The following LMO1 variants were observed in gnomAD, a reference collection of about 807,000 sequenced individuals.
The protein encoded by LMO1 is rhombotin-1.
Under a neutral mutation model 18.0 loss-of-function variants are expected in LMO1, and 10 were observed. The ratio of observed to expected loss-of-function variants is 0.55; its 90% CI spans 0.34 to 0.94. The LOEUF (loss-of-function observed/expected upper bound fraction) is 0.94, where lower values mean the gene tolerates loss of function less well. LMO1 is among the 40% of genes least tolerant of loss of function. The pLI, the probability that LMO1 is intolerant of heterozygous loss-of-function variation, is 0.02. For missense variants in LMO1, 183 were observed against 205.7 expected, an observed-to-expected ratio of 0.89 and a Z score of 0.68; for synonymous variants, 77 against 77.9, an observed-to-expected ratio of 0.99 and a Z score of 0.06.
At chr11:8,232,750 G>A (rs1050852455) in intron 1 of LMO1, among the ~76,000 whole-genome samples, 33 of 152,162 alleles carry the variant, frequency 2.2e-4, no homozygotes, top group Non-Finnish European at 4.6e-4. Context: ...GAACATGGGT[G>A]AATGGCTGGA....
intron 1 of LMO1, among the ~76,000 whole-genome samples, chr11:8,245,533 C>T (rs1374635394): frequency 2.0e-5 from 3 of 152,154 alleles, no homozygotes; most frequent in Admixed American, 6.5e-5. Flanking sequence ...AGCAAAGATC[C>T]GTACTAACCC....
At chr11:8,236,686 C>A (rs1565179731) in intron 1 of LMO1, among the ~76,000 whole-genome samples, 1 of 152,066 alleles carries the variant, frequency 6.6e-6, no homozygotes, top group Admixed American at 6.5e-5. Flanking sequence ...CAGATACTTC[C>A]CCACGTCCAC....
intron 1 of LMO1, among the ~76,000 whole-genome samples, chr11:8,249,892 C>A (rs1474160335): frequency 1.3e-5 from 2 of 152,234 alleles, no homozygotes; most frequent in South Asian, 4.1e-4. Flanking sequence ...CCAGCAGGGG[C>A]TAGCCCTTAA....
upstream of LMO1, chr11:8,268,333 C>T (rs147803664): frequency 0.024 from 27,637 of 1,139,002 alleles, 437 homozygotes; most frequent in Non-Finnish European, 0.029. Context: ...GCTCTGCCGC[C>T]GCTAGCGGGG....
chr11:8,266,169 A>G (rs116093943), upstream of LMO1, among the ~76,000 whole-genome samples: 4,809 of 152,286 alleles, frequency 0.032, 96 homozygotes, highest in African/African-American at 0.039. Context: ...CTGCACCCCC[A>G]GCTGTGAGCA....
upstream of LMO1, among the ~76,000 whole-genome samples, chr11:8,266,837 C>T (rs1471362994): frequency 6.6e-6 from 1 of 152,224 alleles, no homozygotes; most frequent in Non-Finnish European, 1.5e-5. Context: ...CAGCTGCCTC[C>T]AAGACGGAGT....
intron 1 of LMO1, among the ~76,000 whole-genome samples, chr11:8,239,125 T>C (rs913706160): frequency 6.6e-5 from 10 of 152,216 alleles, no homozygotes; most frequent in South Asian, 2.1e-4. Context: ...AGGGCAGAGA[T>C]TGGAATCCTG....
intron 1 of LMO1, among the ~76,000 whole-genome samples, chr11:8,236,211 AG>A (rs1176846589): frequency 6.6e-6 from 1 of 151,236 alleles, no homozygotes; most frequent in Non-Finnish European, 1.5e-5. Flanking sequence ...TTTTTTTTAA[AG>A]ACAGGGTCTT....
chr11:8,254,686 C>T (rs1039138031), intron 1 of LMO1, among the ~76,000 whole-genome samples: 10 of 152,214 alleles, frequency 6.6e-5, no homozygotes, highest in Non-Finnish European at 1.3e-4. Context: ...AAACTGCCCA[C>T]AGCAACCTTC....
At chr11:8,226,626 T>G (rs1389775794) in intron 3 of LMO1, among the ~76,000 whole-genome samples, 1 of 152,210 alleles carries the variant, frequency 6.6e-6, no homozygotes, top group Non-Finnish European at 1.5e-5. Context: ...AAATGCATAT[T>G]AATTCCATCA....
chr11:8,232,412 C>T (rs980078593), intron 1 of LMO1, among the ~76,000 whole-genome samples: 1 of 152,160 alleles, frequency 6.6e-6, no homozygotes, highest in African/African-American at 2.4e-5. Flanking sequence ...TCTTGTGAGG[C>T]TCCTTCCAAG....
intron 2 of LMO1, among the ~76,000 whole-genome samples, chr11:8,228,542 G>A (rs562752285): frequency 1.3e-5 from 2 of 152,216 alleles, no homozygotes; most frequent in East Asian, 3.9e-4. Context: ...TGCAGAGGGC[G>A]CAGGCTCTGG....
intron 2 of LMO1, among the ~76,000 whole-genome samples, chr11:8,227,865 C>T (rs139750764): frequency 1.1e-3 from 169 of 152,314 alleles, no homozygotes; most frequent in African/African-American, 3.6e-3. Context: ...GATGGGGTCT[C>T]ACTATATTGG....
At chr11:8,227,166 A>T (rs1401691783) in intron 2 of LMO1, 66 bp from the exon 3 acceptor site, 5 of 1,567,738 alleles carry the variant, frequency 3.2e-6, no homozygotes, top group Non-Finnish European at 4.3e-6. Context: ...GGGGGAAAGG[A>T]GTTGCCTCCA....
At chr11:8,251,147 A>T (rs1221081880) in intron 1 of LMO1, among the ~76,000 whole-genome samples, 1 of 152,166 alleles carries the variant, frequency 6.6e-6, no homozygotes, top group African/African-American at 2.4e-5. Context: ...CCCAACAGTC[A>T]TGTCTCCATA....
chr11:8,268,151 C>T (rs557469608), upstream of LMO1, among the ~76,000 whole-genome samples: 70 of 152,362 alleles, frequency 4.6e-4, no homozygotes, highest in Admixed American at 4.1e-3. Flanking sequence ...AGTTCCCAGC[C>T]GGAGCGCGCA....
At chr11:8,227,583 C>A (rs1235652687) in intron 2 of LMO1, among the ~76,000 whole-genome samples, 1 of 152,244 alleles carries the variant, frequency 6.6e-6, no homozygotes, top group Non-Finnish European at 1.5e-5. Flanking sequence ...AATTCTCAGT[C>A]ACAACTCACT....
intron 1 of LMO1, among the ~76,000 whole-genome samples, chr11:8,252,598 T>G (rs947842757): frequency 3.9e-5 from 6 of 152,254 alleles, no homozygotes; most frequent in African/African-American, 1.2e-4. Context: ...AAGCAGACAC[T>G]GTCTTTCAAT....
chr11:8,251,576 G>C (rs893355611), intron 1 of LMO1, among the ~76,000 whole-genome samples: 1 of 152,132 alleles, frequency 6.6e-6, no homozygotes, highest in Admixed American at 6.5e-5. Flanking sequence ...GACCCCACTG[G>C]GGTGGCTTTG....
Sources: gnomAD v4.1 joint callset for allele counts (sites outside exome capture counted in the v4.1 genomes callset) on GRCh38, gnomAD v4.1.1 for gene constraint, MANE v1.5 for transcripts, NCBI Gene and HGNC (gene_info 2026-07-23, HGNC 2026-07-21) for gene names.